Variants in MEF2C observed in about 807,000 individuals in gnomAD.
MEF2C encodes the protein myocyte enhancer factor 2C, also known as myocyte-specific enhancer factor 2C.
MEF2C carries 6 observed loss-of-function variants against 50.5 expected under a neutral mutation model. The observed-to-expected ratio is 0.12, with a 90% CI of 0.07 to 0.23. The LOEUF is 0.23. Ranked by LOEUF, MEF2C falls within the 10% of genes least tolerant of loss-of-function variation. The pLI is 1.00. For synonymous variants in MEF2C, 183 were observed against 228.0 expected (o/e 0.80, Z 1.78); for missense variants, 276 against 605.0 (o/e 0.46, Z 5.70).
At chr5:88,726,085 A>G (rs185700784) in intron 10 of MEF2C, among the ~76,000 whole-genome samples, 1 of 152,276 alleles carries the variant, frequency 6.6e-6, no homozygotes, top group East Asian at 1.9e-4. Flanking sequence ...ATAGCTTTGA[A>G]GACTTAAAGC....
chr5:88,782,556 T>G (rs940088222), intron 3 of MEF2C, among the ~76,000 whole-genome samples: 1 of 152,184 alleles, frequency 6.6e-6, no homozygotes, highest in African/African-American at 2.4e-5. Flanking sequence ...TTTAATACAC[T>G]GTATGTGATA....
At chr5:88,762,721 G>C (rs752954077) in intron 3 of MEF2C, among the ~76,000 whole-genome samples, 1 of 151,942 alleles carries the variant, frequency 6.6e-6, no homozygotes, top group Non-Finnish European at 1.5e-5. Flanking sequence ...CAACATTTCT[G>C]AATTTTCCTG....
Position 88,869,294 on chromosome 5 carries a change from TACACATATATATATATATATAC to T in MEF2C, c.-143+13639_-143+13660del, listed in dbSNP as rs1181514673. On this transcript the variant is annotated intron_variant, in intron 1 of 10. Coordinates refer to ENST00000504921, the MANE Select transcript of MEF2C (RefSeq NM_002397.5). Reference sequence around the variant, plus strand: ...ATATATATACATATATATATATATATACACATATATATATATATATACACATATAGCTTCATTTGTACAAATT... The same window carrying T: ...ATATATATACATATATATATATATATACATATAGCTTCATTTGTACAAATT... Among the ~76,000 whole-genome samples the T allele has an allele frequency of 9.3e-3, 1,044 of 112,270 alleles. 19 individuals are homozygous for T. The highest frequency in any genetic ancestry group is 0.017 in the Middle Eastern group (3 of 178). The allele number at this position is 112,270 out of a possible 152,430, so 73.7% of individuals were successfully genotyped here.
In MEF2C at chr5:88,725,429, A is replaced by G. The variant is rs576055889; in HGVS notation, c.1101-2504T>C. 5.3e-5 allele frequency among the ~76,000 whole-genome samples: 8 copies of G among 152,288 alleles called. No homozygotes were observed. In the South Asian group the frequency reaches 1.7e-3, roughly 32 times the overall value. On this transcript the variant is annotated intron_variant, in intron 10 of 10. Transcript: ENST00000504921. The stretch of plus-strand genomic sequence containing the variant: ...AAGAAGTATTTTCTTGAAAAGAAAA[A>G]AGTAGCATTAAAATAACTTAACTGC...
intron 6 of MEF2C, chr5:88,738,633 G>C: frequency 1.0e-6 from 1 of 985,342 alleles, no homozygotes; most frequent in Non-Finnish European, 1.2e-6. Context: ...CATGCTCTGA[G>C]ATAGTGAAAG....
rs1185915411 is a variant in MEF2C, at chr5:88,722,499, T to TC, written c.*104dup. 2 of 1,036,294 alleles carry TC rather than the reference T, an allele frequency of 1.9e-6. No homozygotes were observed. Among genetic ancestry groups the TC allele is most frequent in the Admixed American group, 4.7e-5 (2 of 42,758 alleles). The allele number at this position is 1,036,294 out of a possible 1,614,324, so 64.2% of individuals were successfully genotyped here. ...AACAGAGTACCTGACTTTTTTTTTT[T>TC]CCACACACGGCACATATAATGCATA... On this transcript the variant is annotated 3_prime_UTR_variant, in exon 11 of 11. Coordinates refer to ENST00000504921, the MANE Select transcript of MEF2C (RefSeq NM_002397.5).
At chr5:88,858,091 T>A (rs546419476) in intron 1 of MEF2C, among the ~76,000 whole-genome samples, 2 of 152,360 alleles carry the variant, frequency 1.3e-5, no homozygotes, top group Non-Finnish European at 2.9e-5. Context: ...AATTTAATTT[T>A]GACAAATTGA....
intron 1 of MEF2C, among the ~76,000 whole-genome samples, chr5:88,826,485 T>C (rs998788978): frequency 1.3e-5 from 2 of 151,974 alleles, no homozygotes; most frequent in African/African-American, 4.8e-5. Context: ...TCATGAAACG[T>C]GGTTTAGAAC....
chr5:88,873,091 T>C (rs1371977888), intron 1 of MEF2C, among the ~76,000 whole-genome samples: 1 of 151,774 alleles, frequency 6.6e-6, no homozygotes, highest in Non-Finnish European at 1.5e-5. Context: ...GGAGTTCTGG[T>C]CTAACACTTA....
intron 5 of MEF2C, among the ~76,000 whole-genome samples, chr5:88,749,726 C>T (rs1771699473): frequency 6.6e-6 from 1 of 152,142 alleles, no homozygotes. Flanking sequence ...AGGTATTGAA[C>T]ATAAAAATTA....
chr5:88,768,992 G>A (rs591228), intron 3 of MEF2C, among the ~76,000 whole-genome samples: 72,820 of 151,934 alleles, frequency 0.48, 18,718 homozygotes, highest in East Asian at 0.59. Context: ...TGAGCAGTCA[G>A]TGAAATCTTT....
chr5:88,858,938 C>T (rs1260509414), intron 1 of MEF2C, among the ~76,000 whole-genome samples: 1 of 152,196 alleles, frequency 6.6e-6, no homozygotes. Flanking sequence ...GCACTGCAAA[C>T]CATTCTGAGG....
intron 1 of MEF2C, among the ~76,000 whole-genome samples, chr5:88,878,601 G>GA (rs1831837319): frequency 6.6e-6 from 1 of 151,856 alleles, no homozygotes; most frequent in Admixed American, 6.6e-5. Flanking sequence ...TCCTTCCAAG[G>GA]AAAGTTTTTC....
At chr5:88,851,404 A>T (rs1052964951) in intron 1 of MEF2C, among the ~76,000 whole-genome samples, 1 of 152,128 alleles carries the variant, frequency 6.6e-6, no homozygotes, top group African/African-American at 2.4e-5. Flanking sequence ...ATGGGGGGTC[A>T]GTAACCCTAA....
At chr5:88,869,849 G>A (rs1245965924) in intron 1 of MEF2C, among the ~76,000 whole-genome samples, 1 of 150,016 alleles carries the variant, frequency 6.7e-6, no homozygotes, top group Non-Finnish European at 1.5e-5. Context: ...ACATTATTTT[G>A]TGAAAGGATG....
intron 6 of MEF2C, chr5:88,737,980 T>C: frequency 1.0e-6 from 1 of 985,384 alleles, no homozygotes; most frequent in Non-Finnish European, 1.2e-6. Flanking sequence ...GTTGGACTGC[T>C]GTTAGAGAAG....
chr5:88,770,517 C>T (rs541805619), intron 3 of MEF2C, among the ~76,000 whole-genome samples: 28 of 152,328 alleles, frequency 1.8e-4, no homozygotes, highest in Non-Finnish European at 3.5e-4. Flanking sequence ...CTCATTTCTA[C>T]AGGATTTCCC....
At chr5:88,821,421 T>C (rs1808301952) in intron 2 of MEF2C, among the ~76,000 whole-genome samples, 1 of 151,812 alleles carries the variant, frequency 6.6e-6, no homozygotes, top group Non-Finnish European at 1.5e-5. Context: ...CCACACCCAG[T>C]TAATTTTTTT....
At chr5:88,795,432 TTC>T (rs751055189) in intron 3 of MEF2C, among the ~76,000 whole-genome samples, 4 of 151,554 alleles carry the variant, frequency 2.6e-5, no homozygotes, top group Admixed American at 6.6e-5. Flanking sequence ...CACTCATGAT[TTC>T]TCTGTTTATC....
Sources: gnomAD v4.1 joint callset for allele counts (sites outside exome capture counted in the v4.1 genomes callset) on GRCh38, gnomAD v4.1.1 for gene constraint, MANE v1.5 for transcripts, NCBI Gene and HGNC (gene_info 2026-07-23, HGNC 2026-07-21) for gene names.